SSH1: variants seen among roughly 807,000 people sequenced by gnomAD.
SSH1 encodes the protein protein phosphatase Slingshot homolog 1.
A neutral mutation model predicts 79.7 loss-of-function variants in SSH1; 43 were observed. The observed-to-expected ratio is 0.54, with a 90% CI of 0.42 to 0.70. The LOEUF (loss-of-function observed/expected upper bound fraction) is 0.70, where lower values mean the gene tolerates loss of function less well. Ranked by LOEUF, SSH1 falls within the 30% of genes least tolerant of loss-of-function variation. The pLI is 0.00. For synonymous variants in SSH1, 599 were observed against 538.3 expected (o/e 1.11, Z -1.56); for missense variants, 1,206 against 1,358.8 (o/e 0.89, Z 1.77).
At chr12:108,803,120 G>T (rs2037096240) in intron 10 of SSH1, among the ~76,000 whole-genome samples, 1 of 151,998 alleles carries the variant, frequency 6.6e-6, no homozygotes, top group South Asian at 2.1e-4. Context: ...TTCTTTCTTT[G>T]TGCGTTTTCA....
At chr12:108,853,081 G>C (rs988632356) in intron 1 of SSH1, 218 of 985,244 alleles carry the variant, frequency 2.2e-4, no homozygotes, top group Non-Finnish European at 2.5e-4. Flanking sequence ...CGCAGAGCCA[G>C]GCAATAACAG....
At chr12:108,840,288 T>G (rs1004404757) in intron 2 of SSH1, among the ~76,000 whole-genome samples, 1 of 152,036 alleles carries the variant, frequency 6.6e-6, no homozygotes, top group African/African-American at 2.4e-5. Context: ...TCCCAGCACT[T>G]TGGGAGGCCG....
intron 2 of SSH1, among the ~76,000 whole-genome samples, chr12:108,836,256 T>A (rs2038627765): frequency 6.6e-6 from 1 of 152,072 alleles, no homozygotes; most frequent in African/African-American, 2.4e-5. Flanking sequence ...TAAATATAGA[T>A]GCACGTGTGT....
chr12:108,836,840 TCCAG>T (rs933330887), intron 2 of SSH1: 31 of 507,342 alleles, frequency 6.1e-5, no homozygotes, highest in Non-Finnish European at 1.2e-4. Flanking sequence ...TGGGTGATGT[TCCAG>T]CCAAATACAC....
At chr12:108,835,204 G>A (rs917144562) in intron 2 of SSH1, among the ~76,000 whole-genome samples, 3 of 152,160 alleles carry the variant, frequency 2.0e-5, no homozygotes, top group South Asian at 2.1e-4. Flanking sequence ...TTCGTTGAGC[G>A]CTATGCTAAG....
intron 2 of SSH1, chr12:108,826,137 T>C (rs1284786769): frequency 2.2e-6 from 1 of 455,490 alleles, no homozygotes; most frequent in African/African-American, 2.0e-5. Context: ...CAGCCAACCA[T>C]TAACGATGAC....
At chr12:108,827,449 G>A in intron 2 of SSH1, 3 of 1,306,194 alleles carry the variant, frequency 2.3e-6, no homozygotes, top group Non-Finnish European at 2.9e-6. Flanking sequence ...GCTGCCGAGT[G>A]CTTCCACGAG....
intron 10 of SSH1, among the ~76,000 whole-genome samples, chr12:108,802,990 G>A (rs1036302903): frequency 1.3e-5 from 2 of 152,164 alleles, no homozygotes; most frequent in African/African-American, 2.4e-5. Flanking sequence ...CTTCATGATG[G>A]AGTCTTTAAA....
intron 6 of SSH1, among the ~76,000 whole-genome samples, 153 bp from the exon 7 acceptor site, chr12:108,809,911 G>A (rs2037490836): frequency 2.0e-5 from 3 of 152,124 alleles, no homozygotes; most frequent in South Asian, 2.1e-4. Flanking sequence ...ACCCGCTTTC[G>A]CAGAGACATG....
Position 108,784,132 on chromosome 12 carries a change from T to G in SSH1, c.*3856A>C, listed in dbSNP as rs187919328. On this transcript the variant is annotated 3_prime_UTR_variant, in exon 15 of 15. Coordinates refer to ENST00000326495, the MANE Select transcript of SSH1 (RefSeq NM_018984.4). The stretch of plus-strand genomic sequence containing the variant: ...ACTTAATAGGATCTTGACTAAATTA[T>G]GTAGCATTTGTTCCCACTAGAGAGA... 1 of 152,246 alleles carries G rather than the reference T, an allele frequency of 6.6e-6. No homozygotes were observed. The highest frequency in any genetic ancestry group is 1.5e-5 in the Non-Finnish European group (1 of 68,054). The allele number at this position is 152,246 out of a possible 1,614,324, so 9.4% of individuals were successfully genotyped here.
At chr12:108,853,173 T>A (rs1485456731) in intron 1 of SSH1, 2 of 985,220 alleles carry the variant, frequency 2.0e-6, no homozygotes, top group Non-Finnish European at 2.4e-6. Flanking sequence ...AGGCCGTCTG[T>A]TTGTGGGTCT....
rs2036123248 is a variant in SSH1 at position 108,779,027 on chromosome 12, C to T, written c.*8961G>A. The T allele has an allele frequency of 6.6e-6, 1 of 152,148 alleles. No homozygotes were observed. Among genetic ancestry groups the T allele is most frequent in the Admixed American group, 6.5e-5 (1 of 15,272 alleles). The allele number at this position is 152,148 out of a possible 1,614,324, so 9.4% of individuals were successfully genotyped here. A position where few individuals can be genotyped will look rare whatever the true frequency, so the allele number is the denominator to read the frequency against. On this transcript the variant is annotated 3_prime_UTR_variant, in exon 15 of 15. Coordinates refer to ENST00000326495, the MANE Select transcript of SSH1 (RefSeq NM_018984.4). ...CCATGTTACCTGGGCTGGTCTTGAACTCCTGGGCTCAAGCAATCTGCCTGC... is the reference window on the plus strand; with the variant it reads ...CCATGTTACCTGGGCTGGTCTTGAATTCCTGGGCTCAAGCAATCTGCCTGC...
chr12:108,856,838 C>G (rs899443016), intron 1 of SSH1, among the ~76,000 whole-genome samples: 5 of 152,354 alleles, frequency 3.3e-5, no homozygotes, highest in Non-Finnish European at 5.9e-5. Flanking sequence ...CAGCGGCTCA[C>G]GCAGTCACCC....
chr12:108,843,394 G>A (rs554234716), intron 2 of SSH1, among the ~76,000 whole-genome samples: 6 of 152,322 alleles, frequency 3.9e-5, no homozygotes, highest in South Asian at 2.1e-4. Context: ...TGTGAGGCAG[G>A]AGGTCAGGCA....
rs770693054 is a variant in SSH1 at position 108,792,678 on chromosome 12, G to A, written c.1501C>T (p.Pro501Ser). 6.2e-7 allele frequency: 1 copy of A among 1,612,418 alleles called. No homozygotes were observed. The change falls in exon 14 of 15, where the codon CCC becomes TCC. Residue 501 changes from proline to serine, a missense_variant. This residue lies in a region of SSH1 where 709 missense variants were observed against 730.6 expected (regional missense o/e 0.97). Coordinates refer to ENST00000326495, the MANE Select transcript of SSH1 (RefSeq NM_018984.4). ...CAGGGGAGGGGGGGCCCTAAGCCGGGCTGGGCGGCATCATCCAAGAAGGGC... is the reference window on the plus strand; with the variant it reads ...CAGGGGAGGGGGGGCCCTAAGCCGGACTGGGCGGCATCATCCAAGAAGGGC... ...QLPFLDDAAQ[P>S]GLGPPLPCCF...
In SSH1 at chr12:108,784,415, T is replaced by C. The variant is rs1021808989; in HGVS notation, c.*3573A>G. On this transcript the variant is annotated 3_prime_UTR_variant, in exon 15 of 15. Coordinates refer to ENST00000326495, the MANE Select transcript of SSH1 (RefSeq NM_018984.4). ...GTGTGCACCTGGTGAGCAATCTGTA[T>C]GCTTAAGCAACAGGGTGCCAAGGAG... The C allele has an allele frequency of 6.6e-6, 1 of 152,270 alleles. No individual in the cohort carries two copies. Among genetic ancestry groups the C allele is most frequent in the Non-Finnish European group, 1.5e-5 (1 of 68,094 alleles). 9.4% of individuals were successfully genotyped at this position (152,270 alleles called of 1,614,324 possible). A position where few individuals can be genotyped will look rare whatever the true frequency, so the allele number is the denominator to read the frequency against.
chr12:108,821,591 G>A (rs145093272), intron 3 of SSH1, among the ~76,000 whole-genome samples: 1 of 152,190 alleles, frequency 6.6e-6, no homozygotes, highest in Non-Finnish European at 1.5e-5. Flanking sequence ...CCATTGTAAA[G>A]ACTAGGAAAC....
intron 2 of SSH1, among the ~76,000 whole-genome samples, chr12:108,848,063 A>G (rs888785195): frequency 7.9e-5 from 12 of 152,140 alleles, no homozygotes; most frequent in African/African-American, 2.9e-4. Flanking sequence ...GGCACATGCG[A>G]GAGGGGAGGG....
chr12:108,846,903 C>CA (rs1364922909), intron 2 of SSH1, among the ~76,000 whole-genome samples: 1 of 146,486 alleles, frequency 6.8e-6, no homozygotes, highest in African/African-American at 2.5e-5. Context: ...AGGCAAGGAA[C>CA]TTTTTTTTTT....
Sources: gnomAD v4.1 joint callset for allele counts (sites outside exome capture counted in the v4.1 genomes callset) on GRCh38, gnomAD v4.1.1 for gene constraint, gnomAD v4.1.1 regional missense constraint, MANE v1.5 for transcripts, NCBI Gene and HGNC (gene_info 2026-07-23, HGNC 2026-07-21) for gene names.